Variants in SNX29 observed in about 807,000 individuals in gnomAD.
SNX29 encodes sorting nexin-29.
SNX29 carries 78 observed loss-of-function variants against 102.1 expected under a neutral mutation model. The ratio of observed to expected loss-of-function variants is 0.76; its 90% CI spans 0.64 to 0.92. The LOEUF (loss-of-function observed/expected upper bound fraction) is 0.92. Ranked by LOEUF, SNX29 falls within the 40% of genes least tolerant of loss-of-function variation. The pLI is 0.00. For synonymous variants in SNX29, 580 were observed against 414.5 expected, an observed-to-expected ratio of 1.40 and a Z score of -4.85; for missense variants, 1,280 against 1,061.7, an observed-to-expected ratio of 1.21 and a Z score of -2.86.
At chr16:12,504,853 A>G (rs922521526) in intron 19 of SNX29, among the ~76,000 whole-genome samples, 1 of 152,234 alleles carries the variant, frequency 6.6e-6, no homozygotes, top group Admixed American at 6.5e-5. Context: ...TATCCTGTGG[A>G]TAAGCGGGAC....
At chr16:12,532,073 C>G (rs529670555) in intron 20 of SNX29, among the ~76,000 whole-genome samples, 2 of 152,148 alleles carry the variant, frequency 1.3e-5, no homozygotes, top group African/African-American at 4.8e-5. Context: ...TTACAGGAAC[C>G]AGGACAGGAA....
chr16:12,178,516 A>C (rs1347709069), intron 13 of SNX29, among the ~76,000 whole-genome samples: 2 of 152,202 alleles, frequency 1.3e-5, no homozygotes, highest in Non-Finnish European at 2.9e-5. Context: ...CCAGGACACA[A>C]GGGGCCAGAT....
chr16:12,571,706 C>T lies in SNX29; in HGVS notation c.*3077C>T, dbSNP rs2079191405. On this transcript the variant is annotated 3_prime_UTR_variant, in exon 21 of 21. Transcript: ENST00000566228. ...TCTCCTTGAGAGACAACAAAAGCTT[C>T]TAAGGGAGGGAGCTTAAAGGCTGCT... 1.7e-5 allele frequency: 18 copies of T among 1,059,216 alleles called. No individual in the cohort carries two copies. Among genetic ancestry groups the T allele is most frequent in the Non-Finnish European group, 1.8e-5 (16 of 875,184 alleles). 65.6% of individuals were successfully genotyped at this position (1,059,216 alleles called of 1,614,324 possible).
At chr16:12,245,942 A>G (rs2078247921) in intron 14 of SNX29, among the ~76,000 whole-genome samples, 1 of 152,218 alleles carries the variant, frequency 6.6e-6, no homozygotes, top group Non-Finnish European at 1.5e-5. Flanking sequence ...AAGCCCCAGA[A>G]TCATCTTCTG....
chr16:12,477,265 G>T (rs1167942791), intron 18 of SNX29, among the ~76,000 whole-genome samples: 1 of 152,094 alleles, frequency 6.6e-6, no homozygotes. Context: ...CTGTGTGGTG[G>T]TCGGTGTGGT....
intron 19 of SNX29, among the ~76,000 whole-genome samples, chr16:12,512,366 G>GAA (rs1491404458): frequency 1.3e-5 from 1 of 75,488 alleles, no homozygotes; most frequent in Non-Finnish European, 2.7e-5. Context: ...AAGGCCCAGG[G>GAA]AAAATATATA....
At chr16:12,164,295 G>T (rs2141689874) in intron 13 of SNX29, among the ~76,000 whole-genome samples, 1 of 152,306 alleles carries the variant, frequency 6.6e-6, no homozygotes, top group Non-Finnish European at 1.5e-5. Flanking sequence ...AGTGGAGTTT[G>T]GAAAACAGAA....
intron 15 of SNX29, among the ~76,000 whole-genome samples, chr16:12,324,731 A>T (rs1170897355): frequency 6.6e-6 from 1 of 152,024 alleles, no homozygotes; most frequent in South Asian, 2.1e-4. Flanking sequence ...AGTCCCTTTG[A>T]TGATAAACAG....
rs1261882921 is a variant in SNX29 at position 12,051,874 on chromosome 16, A to T, written c.776A>T (p.Lys259Met). 1 of 1,612,506 alleles carries T rather than the reference A, an allele frequency of 6.2e-7. No homozygotes were observed. Among genetic ancestry groups the T allele is most frequent in the Admixed American group, 1.7e-5 (1 of 59,840 alleles). The change falls in exon 8 of 21, where the codon AAG (lysine) becomes ATG (methionine). Residue 259 changes from lysine (K) to methionine (M), a missense_variant. Coordinates refer to ENST00000566228, the MANE Select transcript of SNX29 (RefSeq NM_032167.5). ...ADAKCKKERK[K>M]KKKVTNIISF... ...GCCAAATGCAAAAAGGAGCGGAAGA[A>T]GAAAAAGAAAGTGACCAACATAATC...
chr16:12,041,105 CTGTTTTTTTTGTTT>C (rs1316609657), intron 4 of SNX29, among the ~76,000 whole-genome samples: 4 of 152,080 alleles, frequency 2.6e-5, no homozygotes. Flanking sequence ...CCGCGCCATC[CTGTTTTTTTTGTTT>C]TGTTTTTTTT....
At chr16:12,563,110 CAG>C (rs1228699110) in intron 20 of SNX29, among the ~76,000 whole-genome samples, 2 of 149,482 alleles carry the variant, frequency 1.3e-5, no homozygotes, top group African/African-American at 2.4e-5. Flanking sequence ...ACGCTAACAA[CAG>C]AGCCTAGGAA....
chr16:12,489,823 C>G (rs567693745), intron 19 of SNX29, among the ~76,000 whole-genome samples: 1 of 151,108 alleles, frequency 6.6e-6, no homozygotes, highest in South Asian at 2.1e-4. Flanking sequence ...TCTTTTTTTT[C>G]GAGATTGCGT....
intron 14 of SNX29, 26 bp downstream of exon 14, chr16:12,199,709 G>C: frequency 6.3e-7 from 1 of 1,598,990 alleles, no homozygotes; most frequent in Non-Finnish European, 8.5e-7. Flanking sequence ...AGCCCGGGTT[G>C]GGAGGGGCCG....
At chr16:12,054,290 T>G (rs1007320299) in intron 8 of SNX29, among the ~76,000 whole-genome samples, 2 of 152,232 alleles carry the variant, frequency 1.3e-5, no homozygotes, top group African/African-American at 4.8e-5. Flanking sequence ...TTTTCATGTT[T>G]CTACTTAATT....
At chr16:12,054,213 G>A (rs1056264906) in intron 8 of SNX29, among the ~76,000 whole-genome samples, 23 of 152,166 alleles carry the variant, frequency 1.5e-4, no homozygotes, top group African/African-American at 4.6e-4. Flanking sequence ...TGATCTGCCC[G>A]CCTTGGCCTC....
rs1048319440 is a variant in SNX29, at chr16:12,572,498, C to T, written c.*3869C>T. 1.2e-4 allele frequency: 131 copies of T among 1,063,804 alleles called. No individual in the cohort carries two copies. Among genetic ancestry groups the T allele is most frequent in the East Asian group, 2.0e-4 (4 of 19,946 alleles). 65.9% of individuals were successfully genotyped at this position (1,063,804 alleles called of 1,614,324 possible). ...GACCAGTTCTTGGGGTTCCAGGCCT[C>T]GGCCTTCCTGCTCCACGTGCTCAAG... On this transcript the variant is annotated 3_prime_UTR_variant, in exon 21 of 21. Coordinates refer to ENST00000566228, the MANE Select transcript of SNX29 (RefSeq NM_032167.5).
At chr16:12,090,752 T>C (rs373883079) in intron 11 of SNX29, among the ~76,000 whole-genome samples, 1 of 152,070 alleles carries the variant, frequency 6.6e-6, no homozygotes, top group South Asian at 2.1e-4. Context: ...GGCTCACACC[T>C]GTAATCCCAG....
intron 20 of SNX29, among the ~76,000 whole-genome samples, chr16:12,567,047 G>A (rs1326730329): frequency 6.6e-6 from 1 of 152,384 alleles, no homozygotes; most frequent in African/African-American, 2.4e-5. Context: ...GATACATGAA[G>A]ATGCTAGGCT....
At chr16:12,336,410 C>T (rs993668717) in intron 15 of SNX29, among the ~76,000 whole-genome samples, 2 of 152,216 alleles carry the variant, frequency 1.3e-5, no homozygotes, top group Admixed American at 6.5e-5. Context: ...GTGTCTGTCA[C>T]CGTGTTGTTG....
Sources: allele counts gnomAD v4.1 joint callset (sites outside exome capture counted in the v4.1 genomes callset), GRCh38; gene constraint gnomAD v4.1.1; transcripts MANE v1.5; gene names NCBI Gene and HGNC (gene_info 2026-07-23, HGNC 2026-07-21).